Variants in CDH13 observed in about 807,000 individuals in gnomAD.
CDH13 encodes cadherin-13.
A neutral mutation model predicts 63.8 loss-of-function variants in CDH13; 24 were observed. The ratio of observed to expected loss-of-function variants is 0.38; its 90% CI spans 0.27 to 0.53. CDH13 has a LOEUF of 0.53. CDH13 is among the 20% of genes least tolerant of loss of function. CDH13 has a pLI of 0.85. For synonymous variants in CDH13, 503 were observed against 355.3 expected (o/e 1.42, Z -4.67); for missense variants, 1,049 against 903.1 (o/e 1.16, Z -2.07).
Position 83,132,450 on chromosome 16 carries a change from C to A in CDH13, c.483+6949C>A, listed in dbSNP as rs1221803719. Among the ~76,000 whole-genome samples the A allele has an allele frequency of 9.5e-3, 961 of 101,086 alleles. 19 individuals carry two copies. The highest frequency in any genetic ancestry group is 0.038 in the African/African-American group (919 of 24,182). The allele number at this position is 101,086 out of a possible 152,430, so 66.3% of individuals were successfully genotyped here. On this transcript the variant is annotated intron_variant, in intron 4 of 13. Coordinates refer to ENST00000567109, the MANE Select transcript of CDH13 (RefSeq NM_001257.5). ...CCCCCCACCCACCCCCCAACACCCCCCCCTTTTTTTTTTTTTGAGACAGAG... is the reference window on the plus strand; with the variant it reads ...CCCCCCACCCACCCCCCAACACCCCACCCTTTTTTTTTTTTTGAGACAGAG...
At chr16:83,095,613 C>A (rs1172578171) in intron 3 of CDH13, among the ~76,000 whole-genome samples, 1 of 152,172 alleles carries the variant, frequency 6.6e-6, no homozygotes, top group African/African-American at 2.4e-5. Context: ...CAGAACACCT[C>A]GCCAAAATCC....
At chr16:83,119,317 G>T (rs987628732) in intron 3 of CDH13, among the ~76,000 whole-genome samples, 1 of 152,088 alleles carries the variant, frequency 6.6e-6, no homozygotes, top group Admixed American at 6.5e-5. Flanking sequence ...ATGTCTTGCA[G>T]CTACTCTTGT....
At chr16:82,792,385 G>A (rs1183091823) in intron 1 of CDH13, among the ~76,000 whole-genome samples, 5 of 151,988 alleles carry the variant, frequency 3.3e-5, no homozygotes, top group Non-Finnish European at 2.9e-5. Context: ...TGTGTGGGGC[G>A]TCATATATCC....
chr16:83,181,884 C>A (rs1004554887), intron 4 of CDH13, among the ~76,000 whole-genome samples: 4 of 152,146 alleles, frequency 2.6e-5, no homozygotes, highest in Non-Finnish European at 2.9e-5. Context: ...TTGGTCAGAA[C>A]CATCCTTCTA....
Position 83,128,437 on chromosome 16 carries a change from C to T in CDH13, c.483+2936C>T, listed in dbSNP as rs142296014. 2.0e-5 allele frequency among the ~76,000 whole-genome samples: 3 copies of T among 152,314 alleles called. No homozygotes were observed. The East Asian group carries it at 5.8e-4, about 29-fold the overall frequency. On this transcript the variant is annotated intron_variant, in intron 4 of 13. Transcript: ENST00000567109. ...AGCTTCTAGGTGATTGTGATGCACA[C>T]TCAAATTTACAGAGGGCTGACCTGA...
chr16:82,938,188 G>C (rs2042727898), intron 2 of CDH13, among the ~76,000 whole-genome samples: 1 of 152,148 alleles, frequency 6.6e-6, no homozygotes. Flanking sequence ...ACAGGCAATA[G>C]CTTTTTCAAC....
intron 4 of CDH13, among the ~76,000 whole-genome samples, chr16:83,140,336 A>G (rs1350243301): frequency 6.6e-6 from 1 of 152,200 alleles, no homozygotes; most frequent in East Asian, 1.9e-4. Context: ...TCCTTCATCA[A>G]CACGTGGTAT....
At chr16:83,067,182 A>C (rs115445762) in intron 3 of CDH13, among the ~76,000 whole-genome samples, 1,568 of 152,214 alleles carry the variant, frequency 0.01, 34 homozygotes, top group African/African-American at 0.034. Context: ...AGCAGCCTTC[A>C]TTCTCTTCCT....
At chr16:82,640,508 A>T (rs1909265241) in intron 1 of CDH13, among the ~76,000 whole-genome samples, 1 of 152,144 alleles carries the variant, frequency 6.6e-6, no homozygotes, top group African/African-American at 2.4e-5. Context: ...TGTAGCATTA[A>T]AGCAGCCACA....
chr16:83,392,333 A>C (rs1229649756), intron 6 of CDH13, among the ~76,000 whole-genome samples: 1 of 152,164 alleles, frequency 6.6e-6, no homozygotes, highest in African/African-American at 2.4e-5. Flanking sequence ...GTAAGTACTA[A>C]ATGAATGCTG....
At chr16:83,147,662 T>C (rs901596234) in intron 4 of CDH13, among the ~76,000 whole-genome samples, 4 of 152,146 alleles carry the variant, frequency 2.6e-5, no homozygotes, top group African/African-American at 9.7e-5. Flanking sequence ...GACATCCTTA[T>C]GGGAAAGGGA....
In CDH13 at chr16:83,125,430, A is replaced by C; in HGVS notation, c.412A>C (p.Arg138=). 1 of 1,611,722 alleles carries C rather than the reference A, an allele frequency of 6.2e-7. No homozygotes were observed. Among genetic ancestry groups the C allele is most frequent in the Non-Finnish European group, 8.5e-7 (1 of 1,177,850 alleles). ...ARTSPVPRQK[R]SIVVSPILIP... ...AACTTCTCCTGTCCCAAGACAAAAG[A>C]GGTCCATTGTGGTATCTCCCATTTT... Residue 138 remains arginine, a synonymous_variant, in exon 4 of 14, where the codon AGG becomes CGG. Coordinates refer to ENST00000567109, the MANE Select transcript of CDH13 (RefSeq NM_001257.5).
rs917463109 is a variant in CDH13, at chr16:83,093,018, G to C, written c.367-32367G>C. 3.9e-5 allele frequency among the ~76,000 whole-genome samples: 6 copies of C among 152,308 alleles called. No individual in the cohort carries two copies. In the East Asian group the frequency reaches 1.2e-3, roughly 29 times the overall value. ...CTACTAATGAAAATGTGAGCACAGA[G>C]ATGGTTATAAAATACCTTATTTTTC... is the stretch of plus-strand genomic sequence containing the variant. On this transcript the variant is annotated intron_variant, in intron 3 of 13. Transcript: ENST00000567109.
chr16:83,368,147 C>T (rs1295150414), intron 6 of CDH13, among the ~76,000 whole-genome samples: 1 of 152,130 alleles, frequency 6.6e-6, no homozygotes. Context: ...TGGGAGCTCT[C>T]TTTTAACATA....
At chr16:82,781,433 T>C (rs973816344) in intron 1 of CDH13, among the ~76,000 whole-genome samples, 4 of 152,106 alleles carry the variant, frequency 2.6e-5, no homozygotes, top group African/African-American at 7.2e-5. Context: ...CATTGGCAAC[T>C]TGATGGCTAA....
At chr16:83,038,385 G>C (rs1917049947) in intron 3 of CDH13, among the ~76,000 whole-genome samples, 1 of 152,130 alleles carries the variant, frequency 6.6e-6, no homozygotes, top group South Asian at 2.1e-4. Flanking sequence ...TCTAGTACCT[G>C]CCTGGCTTAT....
chr16:82,868,340 C>A (rs927463809), intron 2 of CDH13, among the ~76,000 whole-genome samples: 1 of 152,108 alleles, frequency 6.6e-6, no homozygotes, highest in South Asian at 2.1e-4. Flanking sequence ...TTCCCTCCTA[C>A]CAATCCATTT....
chr16:83,429,885 C>G (rs116014558), intron 6 of CDH13, among the ~76,000 whole-genome samples: 5 of 152,330 alleles, frequency 3.3e-5, no homozygotes, highest in Non-Finnish European at 5.9e-5. Flanking sequence ...TTGCCAAAAG[C>G]TATCTAGAGC....
At chr16:83,443,705 GAAAAAAAAAAAAAAAAAAA>G (rs1167862979) in intron 6 of CDH13, among the ~76,000 whole-genome samples, 1,985 of 107,106 alleles carry the variant, frequency 0.019, 86 homozygotes, top group African/African-American at 0.077. Context: ...AAGTCCCTAC[GAAAAAAAAAAAAAAAAAAA>G]AAAAAAAAAA....
Sources: allele counts gnomAD v4.1 joint callset (sites outside exome capture counted in the v4.1 genomes callset), GRCh38; gene constraint gnomAD v4.1.1; transcripts MANE v1.5; gene names NCBI Gene and HGNC (gene_info 2026-07-23, HGNC 2026-07-21).